Variants in TENT2 observed in about 807,000 individuals in gnomAD.
The protein encoded by TENT2 is poly(A) RNA polymerase GLD2.
TENT2 carries 44 observed loss-of-function variants against 72.2 expected under a neutral mutation model. That is an observed-to-expected ratio of 0.61 (90% CI 0.48 to 0.78). The LOEUF (loss-of-function observed/expected upper bound fraction) is 0.78, where lower values mean the gene tolerates loss of function less well. TENT2 is among the 30% of genes least tolerant of loss of function. The pLI, the probability that TENT2 is intolerant of heterozygous loss-of-function variation, is 0.00. For synonymous variants in TENT2, 212 were observed against 192.5 expected (o/e 1.10, Z -0.84); for missense variants, 541 against 569.6 (o/e 0.95, Z 0.51).
At chr5:79,613,882 A>G (rs530762434) in intron 1 of TENT2, 1 of 152,174 alleles carries the variant, frequency 6.6e-6, no homozygotes, top group Non-Finnish European at 1.5e-5. Context: ...AGGTATTTGG[A>G]CAAAATGGAC....
At chr5:79,628,840 G>A (rs749229803) in intron 4 of TENT2, among the ~76,000 whole-genome samples, 22 of 152,164 alleles carry the variant, frequency 1.4e-4, no homozygotes, top group Non-Finnish European at 3.1e-4. Context: ...ATTTTGTAAC[G>A]AGAACACTAT....
intron 4 of TENT2, among the ~76,000 whole-genome samples, chr5:79,634,806 T>C (rs1201089298): frequency 6.6e-6 from 1 of 152,026 alleles, no homozygotes; most frequent in Admixed American, 6.6e-5. Context: ...TGTAGTGATT[T>C]AGACAAGTTT....
chr5:79,630,536 C>A (rs1019729669), intron 4 of TENT2, among the ~76,000 whole-genome samples: 25 of 152,282 alleles, frequency 1.6e-4, no homozygotes, highest in African/African-American at 6.0e-4. Context: ...AAGACCACGC[C>A]ACTGCACTCT....
At chr5:79,631,756 G>A (rs980492278) in intron 4 of TENT2, among the ~76,000 whole-genome samples, 3 of 152,082 alleles carry the variant, frequency 2.0e-5, no homozygotes, top group Admixed American at 6.5e-5. Context: ...GAGGAAAGAG[G>A]TTGACCACTC....
intron 14 of TENT2, among the ~76,000 whole-genome samples, chr5:79,684,773 A>G (rs1259238351): frequency 2.6e-5 from 4 of 152,256 alleles, no homozygotes; most frequent in African/African-American, 9.6e-5. Context: ...GAACCATAAA[A>G]ATATGGAGTT....
chr5:79,625,346 GT>G (rs1344712968), intron 4 of TENT2, among the ~76,000 whole-genome samples: 1 of 152,080 alleles, frequency 6.6e-6, no homozygotes, highest in Admixed American at 6.6e-5. Flanking sequence ...CTCCCATTAT[GT>G]GGCTTGTCTT....
In TENT2 at chr5:79,659,556, G is replaced by GTATATATATATA. The variant is rs71855117; in HGVS notation, c.1071+2582_1071+2593dup. ...CAAAAAAAAAAAAAAAAAAAAAAAT[G>GTATATATATATA]TATATATATATATATATATATATAT... On this transcript the variant is annotated intron_variant, in intron 11 of 14. Transcript: ENST00000453514. Among the ~76,000 whole-genome samples the GTATATATATATA allele has an allele frequency of 7.0e-3, 238 of 34,214 alleles. 6 individuals are homozygous for GTATATATATATA. Among genetic ancestry groups the GTATATATATATA allele is most frequent in the East Asian group, 8.9e-3 (6 of 676 alleles). The allele number at this position is 34,214 out of a possible 152,430, so 22.4% of individuals were successfully genotyped here. A position where few individuals can be genotyped will look rare whatever the true frequency, so the allele number is the denominator to read the frequency against.
At chr5:79,619,168 T>G (rs1045283053) in intron 1 of TENT2, among the ~76,000 whole-genome samples, 1 of 152,202 alleles carries the variant, frequency 6.6e-6, no homozygotes, top group African/African-American at 2.4e-5. Context: ...TATAAATTGT[T>G]AAGACAATAT....
rs761131429 is a variant in TENT2, at chr5:79,645,125, G to A, written c.754G>A (p.Gly252Ser). ...VHKHFCTRLS[G>S]YIERPQLIRA... is the part of the protein sequence containing the mutation. ...TCACATTATCTTTTGTCTTTCAGCGGGCTACATTGAGAGACCTCAGCTGAT... is the reference window on the plus strand; with the variant it reads ...TCACATTATCTTTTGTCTTTCAGCGAGCTACATTGAGAGACCTCAGCTGAT... Residue 252 changes from glycine to serine, a missense_variant and splice_region_variant, in exon 8 of 15, where the codon GGC becomes AGC. By Grantham distance (56) the Gly-to-Ser change is moderately conservative. Transcript: ENST00000453514. The A allele has an allele frequency of 6.3e-7, 1 of 1,597,390 alleles. No individual in the cohort carries two copies. The highest frequency in any genetic ancestry group is 1.1e-5 in the South Asian group (1 of 88,192).
intron 10 of TENT2, among the ~76,000 whole-genome samples, chr5:79,653,367 T>C (rs1358201948): frequency 2.0e-5 from 3 of 151,856 alleles, no homozygotes; most frequent in Non-Finnish European, 4.4e-5. Context: ...GTGGCACATA[T>C]CGTTAGTCCT....
intron 11 of TENT2, 111 bp downstream of exon 11, chr5:79,657,112 C>G: frequency 1.5e-6 from 1 of 656,582 alleles, no homozygotes; most frequent in South Asian, 2.4e-5. Context: ...TACATGATAA[C>G]ATTTTCTATA....
intron 11 of TENT2, among the ~76,000 whole-genome samples, chr5:79,657,373 G>T (rs1018980134): frequency 6.6e-6 from 1 of 151,894 alleles, no homozygotes; most frequent in African/African-American, 2.4e-5. Context: ...AAATTTTTTG[G>T]CCCAGTATAT....
chr5:79,616,190 T>TC (rs1491403363), intron 1 of TENT2, among the ~76,000 whole-genome samples: 1 of 72,486 alleles, frequency 1.4e-5, no homozygotes, highest in South Asian at 3.9e-4. Flanking sequence ...CCCGGCCTAA[T>TC]TTTTTTTTTT....
intron 10 of TENT2, among the ~76,000 whole-genome samples, chr5:79,651,687 T>C (rs769036205): frequency 6.6e-6 from 1 of 152,064 alleles, no homozygotes; most frequent in Non-Finnish European, 1.5e-5. Flanking sequence ...TTATCTTAAT[T>C]GAAGTAGTCT....
chr5:79,667,990 A>G (rs1358609931), intron 11 of TENT2, among the ~76,000 whole-genome samples: 1 of 151,770 alleles, frequency 6.6e-6, no homozygotes, highest in Non-Finnish European at 1.5e-5. Flanking sequence ...CAGTGGAGAA[A>G]TACAGAAAAC....
chr5:79,670,219 CAAAAAAA>C (rs1327703736), intron 12 of TENT2, among the ~76,000 whole-genome samples: 1 of 115,310 alleles, frequency 8.7e-6, no homozygotes, highest in Admixed American at 9.0e-5. Context: ...AACTCTATCT[CAAAAAAA>C]AAAAAAGAAA....
chr5:79,670,350 A>G (rs1812011247), intron 12 of TENT2, among the ~76,000 whole-genome samples: 1 of 151,884 alleles, frequency 6.6e-6, no homozygotes, highest in South Asian at 2.1e-4. Context: ...TTTGAGACGG[A>G]GTCTCACTGT....
chr5:79,640,814 G>A lies in TENT2; in HGVS notation c.466-37G>A, dbSNP rs375373505. 13 of 1,397,998 alleles carry A rather than the reference G, an allele frequency of 9.3e-6. No homozygotes were observed. The African/African-American group carries it at 1.9e-4, about 20-fold the overall frequency. The allele number at this position is 1,397,998 out of a possible 1,614,324, so 86.6% of individuals were successfully genotyped here. ...ATATAGCAATTACTTTTACATTGCT[G>A]AACAAAACTTTTACTTTTTTTTGCG... On this transcript the variant is annotated intron_variant, in intron 4 of 14. Coordinates refer to ENST00000453514, the MANE Select transcript of TENT2 (RefSeq NM_001114394.3).
At chr5:79,639,136 G>A (rs892087890) in intron 4 of TENT2, among the ~76,000 whole-genome samples, 4 of 152,004 alleles carry the variant, frequency 2.6e-5, no homozygotes, top group African/African-American at 9.7e-5. Context: ...CAGGGGAAAA[G>A]GACGCCTTTT....
Sources: gnomAD v4.1 joint callset for allele counts (sites outside exome capture counted in the v4.1 genomes callset) on GRCh38, gnomAD v4.1.1 for gene constraint, MANE v1.5 for transcripts, NCBI Gene and HGNC (gene_info 2026-07-23, HGNC 2026-07-21) for gene names.